Variants in DPYS observed in about 807,000 individuals in gnomAD.
The protein encoded by DPYS is dihydropyrimidinase.
A neutral mutation model predicts 50.3 loss-of-function variants in DPYS; 39 were observed. The ratio of observed to expected loss-of-function variants is 0.78; its 90% confidence interval spans 0.60 to 1.01. The LOEUF (loss-of-function observed/expected upper bound fraction) is 1.01. Among genes scored for constraint, DPYS ranks in the 50% least tolerant of loss-of-function variants. The probability of loss-of-function intolerance (pLI) is 0.00; values close to 1 mark genes in which losing one functional copy is unlikely to be tolerated. For missense variants in DPYS, 659 were observed against 680.9 expected, an observed-to-expected ratio of 0.97 and a Z score of 0.36; for synonymous variants, 245 against 250.7, an observed-to-expected ratio of 0.98 and a Z score of 0.22.
At chr8:104,446,898 A>T (rs1813548235) in intron 3 of DPYS, among the ~76,000 whole-genome samples, 1 of 152,198 alleles carries the variant, frequency 6.6e-6, no homozygotes, top group African/African-American at 2.4e-5. Context: ...AGGGCTTTAA[A>T]CAGCTACCTA....
At chr8:104,436,247 A>T (rs1307969145) in intron 4 of DPYS, among the ~76,000 whole-genome samples, 1 of 152,194 alleles carries the variant, frequency 6.6e-6, no homozygotes, top group Admixed American at 6.5e-5. Flanking sequence ...ACAGCCAAGG[A>T]TCACCAGACT....
chr8:104,465,093 C>CT (rs1437023792), intron 1 of DPYS, among the ~76,000 whole-genome samples: 1 of 152,124 alleles, frequency 6.6e-6, no homozygotes, highest in Non-Finnish European at 1.5e-5. Flanking sequence ...ACCTGCCTTC[C>CT]TTTTTTTCTG....
At chr8:104,396,919 T>C (rs1025754681) in intron 7 of DPYS, among the ~76,000 whole-genome samples, 4 of 152,074 alleles carry the variant, frequency 2.6e-5, no homozygotes, top group Non-Finnish European at 5.9e-5. Context: ...AGATTCTTTA[T>C]ATTAAGTCAT....
At chr8:104,412,799 C>T (rs1812230279) in intron 7 of DPYS, among the ~76,000 whole-genome samples, 2 of 152,336 alleles carry the variant, frequency 1.3e-5, no homozygotes, top group African/African-American at 2.4e-5. Flanking sequence ...GCCACCACTT[C>T]TCTGCTGGCC....
At chr8:104,463,089 G>C (rs746222018) in intron 1 of DPYS, among the ~76,000 whole-genome samples, 7 of 152,094 alleles carry the variant, frequency 4.6e-5, no homozygotes, top group Admixed American at 2.0e-4. Flanking sequence ...TTTTGTATTT[G>C]TCAGGTATTA....
At chr8:104,408,084 T>C (rs906295255) in intron 7 of DPYS, among the ~76,000 whole-genome samples, 7 of 152,266 alleles carry the variant, frequency 4.6e-5, no homozygotes, top group Non-Finnish European at 1.0e-4. Flanking sequence ...TTCTAGGTGC[T>C]GGGGATACAG....
intron 4 of DPYS, among the ~76,000 whole-genome samples, chr8:104,431,583 A>T (rs2140656015): frequency 6.6e-6 from 1 of 152,270 alleles, no homozygotes. Context: ...GGAGGCCTGG[A>T]TAATCCATAA....
rs117621888 is a variant in DPYS, at chr8:104,391,692, A to T, written c.1443+1092T>A. On this transcript the variant is annotated intron_variant, in intron 8 of 9. Coordinates refer to ENST00000351513, the MANE Select transcript of DPYS (RefSeq NM_001385.3). The stretch of plus-strand genomic sequence containing the variant: ...TTTGGTCATCAAAAGGGGAAAGCAA[A>T]GAGACAAAAGTGACATTTATTGACC... 9.5e-3 allele frequency among the ~76,000 whole-genome samples: 1,452 copies of T among 152,304 alleles called. 11 individuals carry two copies. The highest frequency in any genetic ancestry group is 0.041 in the Middle Eastern group (12 of 294).
At chr8:104,402,887 G>A (rs1440003845) in intron 7 of DPYS, among the ~76,000 whole-genome samples, 1 of 152,146 alleles carries the variant, frequency 6.6e-6, no homozygotes, top group Non-Finnish European at 1.5e-5. Flanking sequence ...GACCAATCAG[G>A]TAGTAAAGAG....
chr8:104,435,538 A>C (rs1173968941), intron 4 of DPYS, among the ~76,000 whole-genome samples: 3 of 151,746 alleles, frequency 2.0e-5, no homozygotes, highest in Non-Finnish European at 4.4e-5. Flanking sequence ...CTTTTGCACC[A>C]GCCTAATAGT....
chr8:104,392,755 G>A, intron 8 of DPYS, 29 bp downstream of exon 8: 1 of 1,613,082 alleles, frequency 6.2e-7, no homozygotes, highest in Non-Finnish European at 8.5e-7. Flanking sequence ...AGTCCGACTT[G>A]TGGCAGTATC....
chr8:104,449,456 C>T (rs1001498666), intron 2 of DPYS, among the ~76,000 whole-genome samples: 31 of 152,190 alleles, frequency 2.0e-4, no homozygotes, highest in East Asian at 3.8e-4. Flanking sequence ...GCATCAGCAG[C>T]GTCACCTGGT....
rs562245333 is a variant in DPYS at position 104,451,624 on chromosome 8, G to T, written c.265-220C>A. Among the ~76,000 whole-genome samples, 8 of 152,260 alleles carry T rather than the reference G, an allele frequency of 5.3e-5. No homozygotes were observed. The South Asian group carries it at 1.2e-3, about 24-fold the overall frequency. On this transcript the variant is annotated intron_variant, in intron 1 of 9. Coordinates refer to ENST00000351513, the MANE Select transcript of DPYS (RefSeq NM_001385.3). Reference sequence around the variant, plus strand: ...CCTGCTGGAATTGCTTCTGCAAAAAGAATGTCATATCTGATAAGATGAAAA... The same window carrying T: ...CCTGCTGGAATTGCTTCTGCAAAAATAATGTCATATCTGATAAGATGAAAA...
rs1176772043 is a variant in DPYS, at chr8:104,390,192, T to C, written c.1443+2592A>G. Among the ~76,000 whole-genome samples the C allele has an allele frequency of 2.0e-5, 3 of 152,228 alleles. No individual in the cohort carries two copies. In the East Asian group the frequency reaches 5.8e-4, roughly 29 times the overall value. ...TCCAGTTCTATTGATTTTACTACTTTATAATATCCTAAATCCACCCTCTAT... is the reference window on the plus strand; with the variant it reads ...TCCAGTTCTATTGATTTTACTACTTCATAATATCCTAAATCCACCCTCTAT... On this transcript the variant is annotated intron_variant, in intron 8 of 9. Transcript: ENST00000351513.
chr8:104,432,558 C>G (rs1365965431), intron 4 of DPYS, among the ~76,000 whole-genome samples: 1 of 152,292 alleles, frequency 6.6e-6, no homozygotes, highest in African/African-American at 2.4e-5. Flanking sequence ...AAGGATACAG[C>G]CAAACTTTCC....
At chr8:104,433,407 T>C (rs984439930) in intron 4 of DPYS, among the ~76,000 whole-genome samples, 1 of 152,172 alleles carries the variant, frequency 6.6e-6, no homozygotes, top group Non-Finnish European at 1.5e-5. Context: ...TGGAGTGTTC[T>C]GATGTTCATA....
At chr8:104,431,051 C>T (rs1346742667) in intron 4 of DPYS, among the ~76,000 whole-genome samples, 1 of 152,174 alleles carries the variant, frequency 6.6e-6, no homozygotes, top group African/African-American at 2.4e-5. Flanking sequence ...TATGAAGAGA[C>T]CTTCCTATTC....
At chr8:104,400,465 A>G (rs536542811) in intron 7 of DPYS, among the ~76,000 whole-genome samples, 1 of 152,360 alleles carries the variant, frequency 6.6e-6, no homozygotes, top group East Asian at 1.9e-4. Flanking sequence ...CCAAACGCAA[A>G]GCAGCTCAAG....
Position 104,452,672 on chromosome 8 carries a change from G to A in DPYS, c.265-1268C>T, listed in dbSNP as rs564450371. On this transcript the variant is annotated intron_variant, in intron 1 of 9. Transcript: ENST00000351513. ...GCCTGGGCAACATGGTGAAAACCCC[G>A]TCTCTACAAAAATGTAAAATTAGCC... Among the ~76,000 whole-genome samples the A allele has an allele frequency of 4.6e-5, 7 of 152,026 alleles. No homozygotes were observed. In the South Asian group the frequency reaches 6.2e-4, roughly 14 times the overall value.
Sources: gnomAD v4.1 joint callset for allele counts (sites outside exome capture counted in the v4.1 genomes callset) on GRCh38, gnomAD v4.1.1 for gene constraint, MANE v1.5 for transcripts, NCBI Gene and HGNC (gene_info 2026-07-23, HGNC 2026-07-21) for gene names.